Variants in MTBP observed in about 807,000 individuals in gnomAD.
The protein encoded by MTBP is mdm2-binding protein.
In MTBP, 101 loss-of-function variants were observed where a neutral mutation model predicts 117.0. The observed-to-expected ratio is 0.86, with a 90% confidence interval of 0.73 to 1.02. The LOEUF (loss-of-function observed/expected upper bound fraction) is 1.02, where lower values mean the gene tolerates loss of function less well. Ranked by LOEUF, MTBP falls within the 50% of genes least tolerant of loss-of-function variation. The pLI, the probability that MTBP is intolerant of heterozygous loss-of-function variation, is 0.00. For synonymous variants in MTBP, 350 were observed against 351.5 expected (o/e 1.00, Z 0.05); for missense variants, 970 against 1,030.9 (o/e 0.94, Z 0.81).
Position 120,518,733 on chromosome 8 carries a change from G to T in MTBP, c.2526G>T (p.Leu842=). ...TGAAAGAAGTAGTTACTGAAACCCT[G>T]AAGAAACACAGTATTACCGAGACTC... ...RILKEVVTET[L]KKHSITETHE... Residue 842 remains leucine, a synonymous_variant, in exon 20 of 22, where the codon CTG becomes CTT. Transcript: ENST00000305949. 2 of 1,610,856 alleles carry T rather than the reference G, an allele frequency of 1.2e-6. No individual in the cohort carries two copies. Among genetic ancestry groups the T allele is most frequent in the Non-Finnish European group, 1.7e-6 (2 of 1,178,226 alleles).
intron 8 of MTBP, among the ~76,000 whole-genome samples, chr8:120,460,243 A>G (rs1184253734): frequency 6.6e-6 from 1 of 152,186 alleles, no homozygotes; most frequent in Non-Finnish European, 1.5e-5. Context: ...TAGAATCGTA[A>G]GATTCATGAC....
In MTBP at chr8:120,510,002, C is replaced by A. The variant is rs778971106; in HGVS notation, c.1952C>A (p.Ala651Asp). The A allele has an allele frequency of 6.2e-7, 1 of 1,611,408 alleles. No individual in the cohort carries two copies. The highest frequency in any genetic ancestry group is 8.5e-7 in the Non-Finnish European group (1 of 1,178,446). Reference sequence around the variant, plus strand: ...CTTCAGGTCTTACCTTTTGAGAAAGCCTCAGTATGTCATTATCATGGAATT... The same window carrying A: ...CTTCAGGTCTTACCTTTTGAGAAAGACTCAGTATGTCATTATCATGGAATT... ...GKLQVLPFEK[A>D]SVCHYHGIEY... Residue 651 changes from alanine to aspartate, a missense_variant, in exon 17 of 22, where the codon GCC becomes GAC. Coordinates refer to ENST00000305949, the MANE Select transcript of MTBP (RefSeq NM_022045.5).
intron 11 of MTBP, among the ~76,000 whole-genome samples, chr8:120,478,490 C>A (rs562586266): frequency 3.9e-5 from 6 of 152,130 alleles, no homozygotes; most frequent in Admixed American, 3.3e-4. Context: ...TAGTATCTGA[C>A]AATTTTATAA....
In MTBP at chr8:120,506,718, A is replaced by G. The variant is rs78773213; in HGVS notation, c.1740A>G (p.Leu580=). 3.5e-3 allele frequency: 5,681 copies of G among 1,605,582 alleles called. 195 individuals are homozygous for G. The African/African-American group carries it at 0.069, about 20-fold the overall frequency. Residue 580 remains leucine, a synonymous_variant, in exon 16 of 22, where the codon TTA becomes TTG. Coordinates refer to ENST00000305949, the MANE Select transcript of MTBP (RefSeq NM_022045.5). ...KTKQKMRTGS[L]PHSSEQLLGH... Reference sequence around the variant, plus strand: ...ATTATTTTCCCAGAACTGGTTCATTACCTCATTCATCTGAACAGTTGCTGG... The same window carrying G: ...ATTATTTTCCCAGAACTGGTTCATTGCCTCATTCATCTGAACAGTTGCTGG...
At chr8:120,474,771 A>G (rs1421944533) in intron 11 of MTBP, among the ~76,000 whole-genome samples, 1 of 151,992 alleles carries the variant, frequency 6.6e-6, no homozygotes, top group East Asian at 1.9e-4. Flanking sequence ...CATGAGATAG[A>G]CTTGAGTCTT....
At chr8:120,507,537 A>T (rs1814710843) in intron 16 of MTBP, among the ~76,000 whole-genome samples, 1 of 152,172 alleles carries the variant, frequency 6.6e-6, no homozygotes, top group South Asian at 2.1e-4. Context: ...CATTACTTTG[A>T]AAACCTTCCA....
chr8:120,464,118 C>A (rs1813638664), intron 10 of MTBP, among the ~76,000 whole-genome samples: 1 of 151,966 alleles, frequency 6.6e-6, no homozygotes, highest in Admixed American at 6.6e-5. Flanking sequence ...TACTTGCATT[C>A]TTTTTCTCAT....
chr8:120,451,895 TA>T (rs1426874252), intron 4 of MTBP: 1 of 152,258 alleles, frequency 6.6e-6, no homozygotes, highest in African/African-American at 2.4e-5. Context: ...TAATGTATTT[TA>T]AAAGCTTGAA....
intron 11 of MTBP, among the ~76,000 whole-genome samples, chr8:120,476,446 G>A (rs565447953): frequency 2.0e-4 from 31 of 152,160 alleles, no homozygotes; most frequent in African/African-American, 7.0e-4. Flanking sequence ...TATTCAGATA[G>A]GAAGAGAGGA....
chr8:120,506,009 G>C lies in MTBP; in HGVS notation c.1728-697G>C, dbSNP rs1029143503. Among the ~76,000 whole-genome samples, 4 of 152,150 alleles carry C rather than the reference G, an allele frequency of 2.6e-5. No individual in the cohort carries two copies. In the East Asian group the frequency reaches 7.7e-4, roughly 29 times the overall value. ...GATTGCTTTTTAAGCTTGGCATGCC[G>C]ATTTTCACTTTACAAAGTACTTATT... On this transcript the variant is annotated intron_variant, in intron 15 of 21. Coordinates refer to ENST00000305949, the MANE Select transcript of MTBP (RefSeq NM_022045.5).
intron 11 of MTBP, among the ~76,000 whole-genome samples, chr8:120,475,108 G>A (rs1376345327): frequency 1.3e-5 from 2 of 151,122 alleles, no homozygotes; most frequent in Admixed American, 6.6e-5. Flanking sequence ...GAGGTCACAG[G>A]TTTAGTTTTT....
chr8:120,459,866 A>G (rs1813547205), intron 8 of MTBP, among the ~76,000 whole-genome samples: 1 of 152,198 alleles, frequency 6.6e-6, no homozygotes, highest in African/African-American at 2.4e-5. Flanking sequence ...TTATAGTGTA[A>G]GAAGTATCAG....
chr8:120,495,457 T>C (rs929130379), intron 13 of MTBP, among the ~76,000 whole-genome samples: 11 of 152,136 alleles, frequency 7.2e-5, no homozygotes, highest in Non-Finnish European at 1.5e-4. Flanking sequence ...TATTGAACTG[T>C]GTAGTTGATT....
chr8:120,515,861 T>C (rs1055505295), intron 17 of MTBP, 64 bp from the exon 18 acceptor site: 55 of 1,429,086 alleles, frequency 3.8e-5, no homozygotes, highest in Non-Finnish European at 5.0e-5. Context: ...ATTTTCTCAT[T>C]GAAAGGGGAA....
rs572260678 is a variant in MTBP at position 120,466,493 on chromosome 8, G to C, written c.1047+2732G>C. ...GGCCTCCCAAAGTGCTGGCTTTACA[G>C]GTGTGAGCCACTGCACCTGGTCATT... On this transcript the variant is annotated intron_variant, in intron 10 of 21. Transcript: ENST00000305949. Among the ~76,000 whole-genome samples the C allele has an allele frequency of 4.0e-5, 6 of 151,670 alleles. No homozygotes were observed. The South Asian group carries it at 8.3e-4, about 21-fold the overall frequency.
chr8:120,520,328 A>G (rs1380593457), intron 20 of MTBP, among the ~76,000 whole-genome samples: 1 of 152,164 alleles, frequency 6.6e-6, no homozygotes, highest in Non-Finnish European at 1.5e-5. Flanking sequence ...ATTAAATAGA[A>G]AGGCTGAACA....
At position 120,510,097 on chromosome 8, in the gene MTBP, C is replaced by T. The variant is rs1024354361; in HGVS notation, c.1979+68C>T. Reference sequence around the variant, plus strand: ...ACAGCCTGTCTTGTGTGAAGAGTGACTTTAATAAAATGATATAAATTGAGA... The same window carrying T: ...ACAGCCTGTCTTGTGTGAAGAGTGATTTTAATAAAATGATATAAATTGAGA... On this transcript the variant is annotated intron_variant, in intron 17 of 21. Coordinates refer to ENST00000305949, the MANE Select transcript of MTBP (RefSeq NM_022045.5). 5 of 1,130,240 alleles carry T rather than the reference C, an allele frequency of 4.4e-6. No individual in the cohort carries two copies. The Admixed American group carries it at 7.1e-5, about 16-fold the overall frequency. 70.0% of individuals were successfully genotyped at this position (1,130,240 alleles called of 1,614,324 possible). A position where few individuals can be genotyped will look rare whatever the true frequency, so the allele number is the denominator to read the frequency against.
At chr8:120,451,115 T>C in intron 3 of MTBP, 39 bp downstream of exon 3, 1 of 1,582,786 alleles carries the variant, frequency 6.3e-7, no homozygotes. Context: ...TGAATGTCTT[T>C]ACTAATATAA....
chr8:120,509,809 C>T, intron 16 of MTBP, 125 bp from the exon 17 acceptor site: 3 of 632,018 alleles, frequency 4.7e-6, no homozygotes, highest in South Asian at 4.3e-5. Flanking sequence ...GTGCCTTAAC[C>T]TTTGTCCCAT....
Sources: allele counts gnomAD v4.1 joint callset (sites outside exome capture counted in the v4.1 genomes callset), GRCh38; gene constraint gnomAD v4.1.1; transcripts MANE v1.5; gene names NCBI Gene and HGNC (gene_info 2026-07-23, HGNC 2026-07-21).